The following GALNT2 variants were observed in gnomAD, a reference collection of about 807,000 sequenced individuals.
The protein encoded by GALNT2 is polypeptide N-acetylgalactosaminyltransferase 2.
GALNT2 carries 31 observed loss-of-function variants against 81.4 expected under a neutral mutation model. That is an observed-to-expected ratio of 0.38 (90% CI 0.29 to 0.51). The LOEUF is 0.51. Among genes scored for constraint, GALNT2 ranks in the 20% least tolerant of loss-of-function variants. The pLI, the probability that GALNT2 is intolerant of heterozygous loss-of-function variation, is 0.87. For missense variants in GALNT2, 629 were observed against 765.7 expected (o/e 0.82, Z 2.11); for synonymous variants, 303 against 287.4 (o/e 1.05, Z -0.55).
Position 230,261,598 on chromosome 1 carries a change from C to G in GALNT2, c.1137-975C>G, listed in dbSNP as rs77146331. 5.3e-3 allele frequency among the ~76,000 whole-genome samples: 803 copies of G among 152,348 alleles called. 6 individuals are homozygous for G. Among genetic ancestry groups the G allele is most frequent in the African/African-American group, 0.018 (769 of 41,578 alleles). On this transcript the variant is annotated intron_variant, in intron 11 of 15. Transcript: ENST00000366672. ...TCTTGGCAGAATACACTGCTGATAC[C>G]TATGCAGATGATAGCTTTTAATGCA... is the stretch of plus-strand genomic sequence containing the variant.
At chr1:230,119,401 T>G (rs1255574232) in intron 1 of GALNT2, among the ~76,000 whole-genome samples, 1 of 152,000 alleles carries the variant, frequency 6.6e-6, no homozygotes, top group Non-Finnish European at 1.5e-5. Context: ...AGAGCCTTGA[T>G]GAGATTCCCA....
At chr1:230,192,112 G>A (rs563776107) in intron 2 of GALNT2, among the ~76,000 whole-genome samples, 2 of 152,366 alleles carry the variant, frequency 1.3e-5, no homozygotes, top group South Asian at 4.1e-4. Context: ...AAAGGGGGCT[G>A]GGCAGCTGAG....
chr1:230,124,986 TC>T (rs1381212574), intron 1 of GALNT2, among the ~76,000 whole-genome samples: 2 of 152,186 alleles, frequency 1.3e-5, no homozygotes, highest in South Asian at 4.1e-4. Context: ...AGTGTTGTTC[TC>T]TTCCACCAAA....
intron 1 of GALNT2, among the ~76,000 whole-genome samples, chr1:230,142,910 AG>A (rs1161005018): frequency 6.6e-6 from 1 of 152,130 alleles, no homozygotes; most frequent in Non-Finnish European, 1.5e-5. Flanking sequence ...CCCTGGGAGA[AG>A]GTTTGAGCTC....
intron 1 of GALNT2, among the ~76,000 whole-genome samples, chr1:230,154,411 A>G (rs1005795408): frequency 6.6e-6 from 1 of 152,220 alleles, no homozygotes; most frequent in African/African-American, 2.4e-5. Flanking sequence ...AATGTGCCAA[A>G]CCGGCACAGG....
Position 230,271,216 on chromosome 1 carries a change from C to T in GALNT2, c.1441-3229C>T, listed in dbSNP as rs1666153591. ...AGTGCAGGGACGGAACAATGTGCTT[C>T]TTCCTGGCCCTCTCCATCCTGAACG... On this transcript the variant is annotated intron_variant, in intron 14 of 15. Transcript: ENST00000366672. The surrounding 1 kb of genome is among the most constrained non-coding windows in gnomAD (Gnocchi z 4.2). Among the ~76,000 whole-genome samples the T allele has an allele frequency of 6.6e-6, 1 of 152,244 alleles. No individual in the cohort carries two copies. Among genetic ancestry groups the T allele is most frequent in the South Asian group, 2.1e-4 (1 of 4,828 alleles).
At chr1:230,155,414 A>G (rs538766009) in intron 1 of GALNT2, among the ~76,000 whole-genome samples, 2 of 152,324 alleles carry the variant, frequency 1.3e-5, no homozygotes, top group Admixed American at 1.3e-4. Context: ...TCATCATTTC[A>G]GCTGGCTGTC....
chr1:230,152,419 A>G (rs967622225), intron 1 of GALNT2, among the ~76,000 whole-genome samples: 1 of 152,224 alleles, frequency 6.6e-6, no homozygotes, highest in Non-Finnish European at 1.5e-5. Context: ...CATGAAACTA[A>G]TAGAGGAGAA....
At chr1:230,264,110 C>T (rs952684051) in intron 13 of GALNT2, 1 of 152,412 alleles carries the variant, frequency 6.6e-6, no homozygotes, top group Admixed American at 6.5e-5. Context: ...GCGATGGTCA[C>T]CTGCAGCGGC....
upstream of GALNT2, among the ~76,000 whole-genome samples, chr1:230,065,906 A>G (rs375986326): frequency 1.3e-5 from 2 of 151,912 alleles, no homozygotes; most frequent in African/African-American, 4.8e-5. Flanking sequence ...TTTTCTTTCA[A>G]ATCTCTTCCC....
intron 2 of GALNT2, among the ~76,000 whole-genome samples, chr1:230,194,041 A>G (rs1215562216): frequency 1.3e-5 from 2 of 152,204 alleles, no homozygotes; most frequent in African/African-American, 2.4e-5. Context: ...CCCAAAACTA[A>G]ACCAGGAAAA....
intron 2 of GALNT2, among the ~76,000 whole-genome samples, chr1:230,183,978 A>G (rs1663238440): frequency 6.7e-6 from 1 of 148,170 alleles, no homozygotes; most frequent in Non-Finnish European, 1.5e-5. Flanking sequence ...CTACAACTCA[A>G]AAAAAAAAAA....
At chr1:230,249,381 C>A in intron 9 of GALNT2, 110 bp downstream of exon 9, 1 of 835,596 alleles carries the variant, frequency 1.2e-6, no homozygotes, top group Non-Finnish European at 1.9e-6. Context: ...TCACCTTCTG[C>A]CCTCCGGTTT....
intron 1 of GALNT2, among the ~76,000 whole-genome samples, chr1:230,060,269 C>T (rs1659016349): frequency 6.6e-6 from 1 of 152,152 alleles, no homozygotes; most frequent in African/African-American, 2.4e-5. Context: ...AATATATTCT[C>T]CCTTGGACAC....
intron 1 of GALNT2, among the ~76,000 whole-genome samples, chr1:230,146,280 G>C (rs985546435): frequency 6.6e-6 from 1 of 152,168 alleles, no homozygotes; most frequent in African/African-American, 2.4e-5. Flanking sequence ...GGAGTCCCGC[G>C]CCTTCTCTCC....
chr1:230,113,230 G>C (rs965883295), intron 1 of GALNT2, among the ~76,000 whole-genome samples: 14 of 152,154 alleles, frequency 9.2e-5, no homozygotes, highest in African/African-American at 2.9e-4. Context: ...GCTCTGTGTG[G>C]TGCTGTGAAG....
At chr1:230,180,238 AG>A (rs1296463334) in intron 2 of GALNT2, among the ~76,000 whole-genome samples, 1 of 143,252 alleles carries the variant, frequency 7.0e-6, no homozygotes, top group Non-Finnish European at 1.5e-5. Flanking sequence ...TTTTACATTT[AG>A]GTCTGTGATT....
intron 3 of GALNT2, 99 bp from the exon 4 acceptor site, chr1:230,235,915 C>T: frequency 1.0e-6 from 1 of 974,996 alleles, no homozygotes; most frequent in Non-Finnish European, 1.6e-6. Flanking sequence ...CATAGCATGT[C>T]CATCCCAGTT....
upstream of GALNT2, among the ~76,000 whole-genome samples, chr1:230,066,947 C>T (rs1418443760): frequency 2.0e-5 from 3 of 150,292 alleles, no homozygotes; most frequent in Admixed American, 6.6e-5. Flanking sequence ...CGGAGCCCGG[C>T]GTGCTGCAGC....
Sources: allele counts gnomAD v4.1 joint callset (sites outside exome capture counted in the v4.1 genomes callset), GRCh38; gene constraint gnomAD v4.1.1; non-coding constraint Gnocchi (gnomAD v3.1); transcripts MANE v1.5; gene names NCBI Gene and HGNC (gene_info 2026-07-23, HGNC 2026-07-21).